SNX7: variants seen among roughly 807,000 people sequenced by gnomAD.
SNX7 encodes sorting nexin 7, also known as sorting nexin-7.
SNX7 carries 35 observed loss-of-function variants against 48.4 expected under a neutral mutation model. The ratio of observed to expected loss-of-function variants is 0.72; its 90% CI spans 0.55 to 0.96. The LOEUF (loss-of-function observed/expected upper bound fraction) is 0.96, where lower values mean the gene tolerates loss of function less well. SNX7 is among the 40% of genes least tolerant of loss of function. The probability of loss-of-function intolerance (pLI) is 0.00; values close to 1 mark genes in which losing one functional copy is unlikely to be tolerated. For synonymous variants in SNX7, 190 were observed against 190.2 expected (o/e 1.00, Z 0.01); for missense variants, 553 against 548.9 (o/e 1.01, Z -0.07).
At chr1:98,731,810 C>T (rs1372303901) in intron 7 of SNX7, among the ~76,000 whole-genome samples, 1 of 152,118 alleles carries the variant, frequency 6.6e-6, no homozygotes, top group Non-Finnish European at 1.5e-5. Flanking sequence ...GTCATATATG[C>T]AGATTGTCAT....
chr1:98,663,597 A>G (rs898280012), intron 1 of SNX7, among the ~76,000 whole-genome samples: 1 of 152,092 alleles, frequency 6.6e-6, no homozygotes, highest in Non-Finnish European at 1.5e-5. Flanking sequence ...GAAGGAAATG[A>G]CAGGTCCCGA....
Position 98,727,272 on chromosome 1 carries a change from A to G in SNX7, c.1126-10965A>G, listed in dbSNP as rs144019477. Among the ~76,000 whole-genome samples, 760 of 152,336 alleles carry G rather than the reference A, an allele frequency of 5.0e-3. 3 individuals carry two copies. Among genetic ancestry groups the G allele is most frequent in the African/African-American group, 0.017 (715 of 41,572 alleles). On this transcript the variant is annotated intron_variant, in intron 7 of 8. Transcript: ENST00000306121. ...CCAAATTTATTTTGCAAACCACAGC[A>G]GCCCTGTAGAAGAGAGGCCTGACTG...
chr1:98,713,066 G>C (rs969040329), intron 7 of SNX7, among the ~76,000 whole-genome samples: 18 of 143,610 alleles, frequency 1.3e-4, no homozygotes, highest in African/African-American at 4.7e-4. Context: ...AGTCCAGCCT[G>C]GGCAACAAGA....
At chr1:98,680,219 CTA>C (rs1295600062) in intron 1 of SNX7, among the ~76,000 whole-genome samples, 1 of 152,176 alleles carries the variant, frequency 6.6e-6, no homozygotes, top group East Asian at 1.9e-4. Flanking sequence ...GACCTGAGCT[CTA>C]TGTTGGCCCC....
chr1:98,682,716 C>T (rs1424616674), intron 1 of SNX7, among the ~76,000 whole-genome samples: 1 of 152,106 alleles, frequency 6.6e-6, no homozygotes, highest in Non-Finnish European at 1.5e-5. Flanking sequence ...TTAAAAATCT[C>T]TAGTGTTATG....
chr1:98,664,003 A>G (rs1324145593), intron 1 of SNX7, among the ~76,000 whole-genome samples: 2 of 152,150 alleles, frequency 1.3e-5, no homozygotes, highest in Non-Finnish European at 2.9e-5. Context: ...AGTTAAGCAA[A>G]TTTAAGAAAG....
chr1:98,732,663 T>C (rs1295364215), intron 7 of SNX7, among the ~76,000 whole-genome samples: 2 of 152,066 alleles, frequency 1.3e-5, no homozygotes, highest in Non-Finnish European at 2.9e-5. Flanking sequence ...TTCACATCGG[T>C]AAGTCAAGAG....
At chr1:98,672,667 G>C (rs1649933560) in intron 1 of SNX7, among the ~76,000 whole-genome samples, 1 of 151,958 alleles carries the variant, frequency 6.6e-6, no homozygotes, top group South Asian at 2.1e-4. Flanking sequence ...GCTCACGCCT[G>C]TAATCCCAGC....
At chr1:98,739,883 G>C (rs933108591) in intron 8 of SNX7, among the ~76,000 whole-genome samples, 1 of 152,164 alleles carries the variant, frequency 6.6e-6, no homozygotes, top group Non-Finnish European at 1.5e-5. Flanking sequence ...GGGAGCCATT[G>C]AGTAGTTTTC....
At chr1:98,700,619 A>G (rs1368262684) in intron 6 of SNX7, among the ~76,000 whole-genome samples, 2 of 151,596 alleles carry the variant, frequency 1.3e-5, no homozygotes, top group Non-Finnish European at 2.9e-5. Context: ...ATCATAGCTC[A>G]CTACAGCCTC....
At chr1:98,716,317 C>G (rs1179205694) in intron 7 of SNX7, among the ~76,000 whole-genome samples, 1 of 152,114 alleles carries the variant, frequency 6.6e-6, no homozygotes, top group African/African-American at 2.4e-5. Flanking sequence ...ACTCCCTACT[C>G]TAGGCCACTG....
intron 7 of SNX7, among the ~76,000 whole-genome samples, chr1:98,709,193 A>G (rs940146326): frequency 1.3e-5 from 2 of 152,238 alleles, no homozygotes; most frequent in African/African-American, 4.8e-5. Context: ...AACCAGGATT[A>G]GATTGTAAAT....
intron 8 of SNX7, among the ~76,000 whole-genome samples, chr1:98,744,753 A>T (rs1360129366): frequency 6.6e-6 from 1 of 152,010 alleles, no homozygotes; most frequent in Admixed American, 6.6e-5. Context: ...AATAAAACAA[A>T]AACTATCCAT....
chr1:98,747,194 A>G (rs1353279111), intron 8 of SNX7, among the ~76,000 whole-genome samples: 1 of 152,154 alleles, frequency 6.6e-6, no homozygotes, highest in African/African-American at 2.4e-5. Flanking sequence ...ATCTGAAGAC[A>G]TAATAATTTT....
At chr1:98,694,090 G>T (rs924501041) in intron 4 of SNX7, among the ~76,000 whole-genome samples, 4 of 152,212 alleles carry the variant, frequency 2.6e-5, no homozygotes, top group Non-Finnish European at 5.9e-5. Flanking sequence ...AGTTTTCTCA[G>T]CTGGGCGCGG....
upstream of SNX7, chr1:98,661,629 G>C (rs917648370): frequency 1.9e-6 from 2 of 1,038,728 alleles, no homozygotes; most frequent in South Asian, 4.7e-5. Flanking sequence ...GGGCTGGAGC[G>C]GGGCCGGCCG....
intron 7 of SNX7, among the ~76,000 whole-genome samples, chr1:98,726,427 T>G (rs147455186): frequency 1.7e-4 from 26 of 152,310 alleles, no homozygotes; most frequent in African/African-American, 6.0e-4. Flanking sequence ...AAACTTATCG[T>G]TGAGGCAGGT....
chr1:98,695,370 T>C lies in SNX7; in HGVS notation c.640-148T>C, dbSNP rs1651394056. The C allele has an allele frequency of 5.8e-6, 4 of 690,614 alleles. No homozygotes were observed. In the East Asian group the frequency reaches 1.1e-4, roughly 19 times the overall value. 42.8% of individuals were successfully genotyped at this position (690,614 alleles called of 1,614,324 possible). A position where few individuals can be genotyped will look rare whatever the true frequency, so the allele number is the denominator to read the frequency against. On this transcript the variant is annotated intron_variant, in intron 4 of 8. Transcript: ENST00000306121. ...AGGAAACACTGTACCTTAATAAAGC[T>C]CATCTGCTTCAAGCTAACATTAAAA... is the stretch of plus-strand genomic sequence containing the variant.
At chr1:98,675,895 C>T (rs556406691) in intron 1 of SNX7, among the ~76,000 whole-genome samples, 7 of 152,116 alleles carry the variant, frequency 4.6e-5, no homozygotes, top group Non-Finnish European at 8.8e-5. Context: ...TCTGCCAAAA[C>T]AACTGTTTTA....
Sources: gnomAD v4.1 joint callset for allele counts (sites outside exome capture counted in the v4.1 genomes callset) on GRCh38, gnomAD v4.1.1 for gene constraint, MANE v1.5 for transcripts, NCBI Gene and HGNC (gene_info 2026-07-23, HGNC 2026-07-21) for gene names.